CDH18: variants seen among roughly 807,000 people sequenced by gnomAD.
CDH18 encodes cadherin-18.
CDH18 carries 31 observed loss-of-function variants against 67.9 expected under a neutral mutation model. The observed-to-expected ratio is 0.46, with a 90% confidence interval of 0.34 to 0.62. The LOEUF (loss-of-function observed/expected upper bound fraction) is 0.62. CDH18 is among the 20% of genes least tolerant of loss of function. The probability of loss-of-function intolerance (pLI) is 0.01; values close to 1 mark genes in which losing one functional copy is unlikely to be tolerated. For missense variants in CDH18, 890 were observed against 975.5 expected (o/e 0.91, Z 1.17); for synonymous variants, 362 against 347.2 (o/e 1.04, Z -0.48).
At chr5:20,141,537 T>C (rs1181158893) in intron 2 of CDH18, among the ~76,000 whole-genome samples, 2 of 152,028 alleles carry the variant, frequency 1.3e-5, no homozygotes, top group African/African-American at 4.8e-5. Flanking sequence ...AAAAGTGAGG[T>C]CAGGAGAAGG....
chr5:19,627,379 A>G (rs1224553203), intron 5 of CDH18, among the ~76,000 whole-genome samples: 1 of 152,240 alleles, frequency 6.6e-6, no homozygotes, highest in Non-Finnish European at 1.5e-5. Context: ...ATATTAGCCA[A>G]TACCTAAGCC....
chr5:19,822,584 CA>C (rs1458184527), intron 3 of CDH18, among the ~76,000 whole-genome samples: 3 of 152,112 alleles, frequency 2.0e-5, no homozygotes, highest in Non-Finnish European at 4.4e-5. Flanking sequence ...TGATGCCCCA[CA>C]AGCCGCAAAA....
intron 2 of CDH18, among the ~76,000 whole-genome samples, chr5:20,163,189 A>T (rs1000351037): frequency 6.6e-6 from 1 of 152,086 alleles, no homozygotes; most frequent in Admixed American, 6.6e-5. Context: ...CTGACTTCCT[A>T]TCACTTCATC....
At chr5:19,514,072 C>T (rs540417539) in intron 10 of CDH18, among the ~76,000 whole-genome samples, 1 of 152,262 alleles carries the variant, frequency 6.6e-6, no homozygotes, top group Non-Finnish European at 1.5e-5. Context: ...GTCCAATTCC[C>T]ACCTATGAGT....
intron 1 of CDH18, among the ~76,000 whole-genome samples, chr5:20,565,157 A>T (rs1393857696): frequency 6.6e-6 from 1 of 152,174 alleles, no homozygotes; most frequent in Non-Finnish European, 1.5e-5. Flanking sequence ...ACTCAAGGGA[A>T]TCCACCATCC....
chr5:20,195,002 G>A (rs914640490), intron 2 of CDH18, among the ~76,000 whole-genome samples: 4 of 151,956 alleles, frequency 2.6e-5, no homozygotes, highest in African/African-American at 4.8e-5. Context: ...AAATTAAATG[G>A]TGTGATTTTT....
At chr5:19,585,448 C>T (rs150859778) in intron 7 of CDH18, among the ~76,000 whole-genome samples, 9 of 152,292 alleles carry the variant, frequency 5.9e-5, no homozygotes, top group African/African-American at 1.4e-4. Context: ...CAAACTTACC[C>T]GCAGTCATTT....
intron 1 of CDH18, among the ~76,000 whole-genome samples, chr5:20,272,578 C>T (rs1290217819): frequency 6.6e-6 from 1 of 151,720 alleles, no homozygotes; most frequent in Admixed American, 6.6e-5. Flanking sequence ...CTAAACAGAA[C>T]ATTACAATAA....
chr5:20,298,472 G>A (rs1747712133), intron 1 of CDH18, among the ~76,000 whole-genome samples: 1 of 152,116 alleles, frequency 6.6e-6, no homozygotes. Flanking sequence ...TCTATTCACT[G>A]AGCAAGTTAT....
chr5:20,349,661 G>A (rs1741001405), intron 1 of CDH18, among the ~76,000 whole-genome samples: 1 of 152,030 alleles, frequency 6.6e-6, no homozygotes, highest in African/African-American at 2.4e-5. Context: ...AAGATATAAT[G>A]TTTTAGCTCC....
intron 1 of CDH18, among the ~76,000 whole-genome samples, chr5:20,334,106 T>A (rs1302917109): frequency 6.6e-6 from 1 of 150,912 alleles, no homozygotes. Context: ...TACTGTATTT[T>A]AAATGTATAA....
chr5:19,943,643 G>A (rs1464337509), intron 2 of CDH18, among the ~76,000 whole-genome samples: 1 of 151,932 alleles, frequency 6.6e-6, no homozygotes, highest in African/African-American at 2.4e-5. Flanking sequence ...AATATCCTGA[G>A]TCTTTTAGAG....
At chr5:20,351,293 G>C (rs1172274344) in intron 1 of CDH18, among the ~76,000 whole-genome samples, 1 of 151,018 alleles carries the variant, frequency 6.6e-6, no homozygotes, top group East Asian at 2.0e-4. Context: ...GGTTAGAACA[G>C]TGGCAAGCAC....
intron 2 of CDH18, among the ~76,000 whole-genome samples, chr5:19,948,733 C>T (rs1327792553): frequency 1.3e-5 from 2 of 152,072 alleles, no homozygotes; most frequent in Non-Finnish European, 2.9e-5. Flanking sequence ...AATTTCATGG[C>T]ATACTATATT....
chr5:20,500,492 C>T (rs117590362), intron 1 of CDH18, among the ~76,000 whole-genome samples: 1 of 152,226 alleles, frequency 6.6e-6, no homozygotes, highest in East Asian at 1.9e-4. Flanking sequence ...CAACTCATCT[C>T]GCCTCTAAAT....
intron 2 of CDH18, among the ~76,000 whole-genome samples, chr5:20,096,575 G>T (rs1459471564): frequency 6.6e-6 from 1 of 152,016 alleles, no homozygotes; most frequent in African/African-American, 2.4e-5. Flanking sequence ...GAATTAAAAG[G>T]CATGACAGGC....
chr5:19,645,167 T>C (rs548040905), intron 5 of CDH18, among the ~76,000 whole-genome samples: 1 of 152,322 alleles, frequency 6.6e-6, no homozygotes, highest in African/African-American at 2.4e-5. Context: ...AAGCTGTAAC[T>C]AATGGGTTTT....
intron 1 of CDH18, among the ~76,000 whole-genome samples, chr5:20,552,836 A>G (rs910503278): frequency 1.3e-5 from 2 of 151,206 alleles, no homozygotes; most frequent in Non-Finnish European, 3.0e-5. Flanking sequence ...GCTCACCGCA[A>G]CCTCTGCCTC....
chr5:19,534,535 C>G (rs1326203561), intron 9 of CDH18, among the ~76,000 whole-genome samples: 1 of 152,092 alleles, frequency 6.6e-6, no homozygotes, highest in Non-Finnish European at 1.5e-5. Flanking sequence ...GATACCTGAT[C>G]AAAGCAAACT....
Sources: allele counts gnomAD v4.1 joint callset (sites outside exome capture counted in the v4.1 genomes callset), GRCh38; gene constraint gnomAD v4.1.1; transcripts MANE v1.5; gene names NCBI Gene and HGNC (gene_info 2026-07-23, HGNC 2026-07-21).